RABGAP1L: variants seen among roughly 807,000 people sequenced by gnomAD.
The protein encoded by RABGAP1L is RAB GTPase activating protein 1 like, also known as rab GTPase-activating protein 1-like.
RABGAP1L carries 63 observed loss-of-function variants against 137.7 expected under a neutral mutation model. The ratio of observed to expected loss-of-function variants is 0.46; its 90% CI spans 0.37 to 0.56. RABGAP1L has a LOEUF of 0.56. Among genes scored for constraint, RABGAP1L ranks in the 20% least tolerant of loss-of-function variants. RABGAP1L has a pLI of 0.00. For synonymous variants in RABGAP1L, 431 were observed against 433.7 expected, an observed-to-expected ratio of 0.99 and a Z score of 0.08; for missense variants, 1,095 against 1,244.0, an observed-to-expected ratio of 0.88 and a Z score of 1.80.
intron 14 of RABGAP1L, among the ~76,000 whole-genome samples, chr1:174,653,608 C>T (rs1483603704): frequency 6.6e-6 from 1 of 152,200 alleles, no homozygotes. Flanking sequence ...ACTGTCTAAC[C>T]AGTCTCAATG....
At chr1:174,646,529 G>A (rs768363914) in intron 14 of RABGAP1L, among the ~76,000 whole-genome samples, 42 of 152,138 alleles carry the variant, frequency 2.8e-4, no homozygotes, top group Middle Eastern at 3.4e-3. Context: ...GTAGATGTGT[G>A]GTGTTATTTC....
intron 11 of RABGAP1L, among the ~76,000 whole-genome samples, chr1:174,351,081 AG>A (rs1219059850): frequency 5.4e-4 from 1 of 1,836 alleles, no homozygotes; most frequent in Middle Eastern, 0.12. Flanking sequence ...GGGGAGGGGG[AG>A]GGGGAGGGGG....
intron 1 of RABGAP1L, among the ~76,000 whole-genome samples, chr1:174,208,056 A>C (rs183014410): frequency 6.6e-6 from 1 of 152,224 alleles, no homozygotes; most frequent in Non-Finnish European, 1.5e-5. Flanking sequence ...TTCCTTCCTC[A>C]GTGTTTTTTA....
intron 13 of RABGAP1L, among the ~76,000 whole-genome samples, chr1:174,604,121 C>T (rs1184061288): frequency 6.6e-6 from 1 of 151,980 alleles, no homozygotes; most frequent in Non-Finnish European, 1.5e-5. Context: ...CAAGACTTGA[C>T]CAGGAATTGC....
intron 11 of RABGAP1L, among the ~76,000 whole-genome samples, chr1:174,312,959 T>C (rs1477684051): frequency 6.6e-6 from 1 of 152,180 alleles, no homozygotes; most frequent in Admixed American, 6.5e-5. Flanking sequence ...GGTCTATGTG[T>C]CTGTTTTTAT....
chr1:174,186,402 G>A (rs1666810630), intron 1 of RABGAP1L, among the ~76,000 whole-genome samples: 1 of 152,206 alleles, frequency 6.6e-6, no homozygotes, highest in African/African-American at 2.4e-5. Context: ...ATTTGGCAAT[G>A]TTTTGGCAAG....
chr1:174,307,248 G>A (rs1379707424), intron 11 of RABGAP1L, among the ~76,000 whole-genome samples: 1 of 152,166 alleles, frequency 6.6e-6, no homozygotes, highest in Non-Finnish European at 1.5e-5. Context: ...ATTCGGTCAA[G>A]TTAGTCAGTT....
chr1:174,221,521 T>C (rs1359392494), intron 3 of RABGAP1L, among the ~76,000 whole-genome samples: 1 of 148,378 alleles, frequency 6.7e-6, no homozygotes, highest in African/African-American at 2.4e-5. Context: ...CTACACTTAT[T>C]TAAAGTTATA....
At chr1:174,255,150 CTTATAA>C (rs1300497371) in intron 7 of RABGAP1L, among the ~76,000 whole-genome samples, 1 of 151,942 alleles carries the variant, frequency 6.6e-6, no homozygotes, top group Non-Finnish European at 1.5e-5. Flanking sequence ...TGAGAGGCAT[CTTATAA>C]TTATAGTTGT....
intron 19 of RABGAP1L, among the ~76,000 whole-genome samples, chr1:174,876,694 T>C (rs1363436350): frequency 1.3e-5 from 2 of 152,198 alleles, no homozygotes; most frequent in East Asian, 1.9e-4. Flanking sequence ...AGAGAACTTT[T>C]ATCTATGGGA....
At chr1:174,849,644 C>T (rs1259447576) in intron 19 of RABGAP1L, 8 of 394,350 alleles carry the variant, frequency 2.0e-5, no homozygotes, top group South Asian at 1.6e-4. Context: ...ATGAGAAGTA[C>T]ACTTAGGAAT....
intron 13 of RABGAP1L, chr1:174,449,133 G>T: frequency 6.2e-7 from 1 of 1,611,726 alleles, no homozygotes; most frequent in Non-Finnish European, 8.5e-7. Flanking sequence ...TCCTGTATGT[G>T]TGTGAAGGAT....
intron 13 of RABGAP1L, among the ~76,000 whole-genome samples, chr1:174,396,965 G>T (rs968149057): frequency 6.9e-6 from 1 of 144,670 alleles, no homozygotes; most frequent in Non-Finnish European, 1.5e-5. Context: ...ATAGTGAGAC[G>T]CTGTCTCTAC....
intron 15 of RABGAP1L, among the ~76,000 whole-genome samples, chr1:174,699,097 G>A (rs181686227): frequency 1.3e-5 from 2 of 151,750 alleles, no homozygotes; most frequent in African/African-American, 2.4e-5. Context: ...AGGCTCAAGC[G>A]ATCCTTCCAC....
intron 13 of RABGAP1L, among the ~76,000 whole-genome samples, chr1:174,616,954 A>G (rs910660569): frequency 2.0e-4 from 30 of 152,220 alleles, no homozygotes; most frequent in African/African-American, 6.8e-4. Context: ...GAGAGATAAA[A>G]TAAATGGTAG....
intron 13 of RABGAP1L, among the ~76,000 whole-genome samples, chr1:174,554,442 G>A (rs908118972): frequency 2.0e-5 from 3 of 152,144 alleles, no homozygotes; most frequent in Non-Finnish European, 4.4e-5. Flanking sequence ...ATCACTGTGA[G>A]TTAAAATAAT....
At chr1:174,854,464 A>C (rs947248275) in intron 19 of RABGAP1L, among the ~76,000 whole-genome samples, 4 of 152,096 alleles carry the variant, frequency 2.6e-5, no homozygotes, top group Non-Finnish European at 5.9e-5. Flanking sequence ...TCCTTTAGAA[A>C]CCATATAAAT....
chr1:174,702,446 G>A (rs1010226029), intron 17 of RABGAP1L, among the ~76,000 whole-genome samples, 190 bp downstream of exon 17: 1 of 143,820 alleles, frequency 7.0e-6, no homozygotes, highest in Non-Finnish European at 1.6e-5. Flanking sequence ...GAATGAAAAT[G>A]TTAAGGCATA....
chr1:174,637,095 G>C (rs986154937), intron 13 of RABGAP1L, among the ~76,000 whole-genome samples: 8 of 152,128 alleles, frequency 5.3e-5, no homozygotes, highest in Non-Finnish European at 1.0e-4. Context: ...TGCTTCAATG[G>C]AGATGTATGT....
Sources: gnomAD v4.1 joint callset for allele counts (sites outside exome capture counted in the v4.1 genomes callset) on GRCh38, gnomAD v4.1.1 for gene constraint, MANE v1.5 for transcripts, NCBI Gene and HGNC (gene_info 2026-07-23, HGNC 2026-07-21) for gene names.